Variants in CYTH1 observed in about 807,000 individuals in gnomAD.
CYTH1 encodes cytohesin-1.
Under a neutral mutation model 61.8 loss-of-function variants are expected in CYTH1, and 18 were observed. That is an observed-to-expected ratio of 0.29 (90% CI 0.20 to 0.43). The LOEUF is 0.43. CYTH1 is among the 20% of genes least tolerant of loss of function. The pLI is 1.00. For synonymous variants in CYTH1, 174 were observed against 184.3 expected, an observed-to-expected ratio of 0.94 and a Z score of 0.45; for missense variants, 336 against 510.5, an observed-to-expected ratio of 0.66 and a Z score of 3.29.
chr17:78,683,271 C>CA (rs2092782347), intron 11 of CYTH1, among the ~76,000 whole-genome samples: 1 of 152,166 alleles, frequency 6.6e-6, no homozygotes, highest in South Asian at 2.1e-4. Flanking sequence ...CTCCCTCTCT[C>CA]TCATCCAAGT....
intron 13 of CYTH1, among the ~76,000 whole-genome samples, chr17:78,678,923 C>T (rs150904181): frequency 6.6e-6 from 1 of 152,362 alleles, no homozygotes; most frequent in Non-Finnish European, 1.5e-5. Context: ...TGACCTGGCG[C>T]CAAATCCATC....
intron 1 of CYTH1, among the ~76,000 whole-genome samples, chr17:78,770,857 G>A (rs2093468557): frequency 6.6e-6 from 1 of 152,164 alleles, no homozygotes; most frequent in Admixed American, 6.6e-5. Context: ...GCCAAGTGCG[G>A]GAGCTCATAC....
chr17:78,726,188 C>T (rs1324872285), intron 1 of CYTH1, among the ~76,000 whole-genome samples: 1 of 151,988 alleles, frequency 6.6e-6, no homozygotes, highest in Non-Finnish European at 1.5e-5. Context: ...GGACTACAGG[C>T]ACCCGCTACC....
At chr17:78,768,080 C>T (rs1406957432) in intron 1 of CYTH1, among the ~76,000 whole-genome samples, 1 of 152,166 alleles carries the variant, frequency 6.6e-6, no homozygotes, top group African/African-American at 2.4e-5. Context: ...TCAAGACTGG[C>T]TCGGAATCAT....
intron 3 of CYTH1, among the ~76,000 whole-genome samples, chr17:78,705,229 A>G (rs899078338): frequency 1.3e-5 from 2 of 151,876 alleles, no homozygotes; most frequent in African/African-American, 4.8e-5. Flanking sequence ...CAGAACGCAC[A>G]CTCCCAGATA....
intron 1 of CYTH1, among the ~76,000 whole-genome samples, chr17:78,773,227 T>G (rs1462983766): frequency 6.6e-6 from 1 of 152,046 alleles, no homozygotes; most frequent in African/African-American, 2.4e-5. Flanking sequence ...CCTAGTACTT[T>G]AGGAAGCCAA....
rs1379360035 is a variant in CYTH1 at position 78,726,192 on chromosome 17, C to T, written c.23-16460G>A. On this transcript the variant is annotated intron_variant, in intron 1 of 13. Transcript: ENST00000446868. ...CCTAGCAGCTGGGACTACAGGCACC[C>T]GCTACCACGCCTGGCTAATTTTTTT... 3.6e-4 allele frequency among the ~76,000 whole-genome samples: 54 copies of T among 151,936 alleles called. 1 individual carries two copies. The highest frequency in any genetic ancestry group is 3.5e-3 in the Admixed American group (53 of 15,252).
chr17:78,690,393 CAAAAAAAAAAAAAAAAAAA>C (rs60663636), intron 11 of CYTH1, among the ~76,000 whole-genome samples: 726 of 28,288 alleles, frequency 0.026, 14 homozygotes, highest in African/African-American at 0.098. Flanking sequence ...GACTCCATCT[CAAAAAAAAAAAAAAAAAAA>C]AAAAAAAAAA....
intron 1 of CYTH1, among the ~76,000 whole-genome samples, chr17:78,780,161 G>A (rs1272926715): frequency 6.6e-6 from 1 of 152,242 alleles, no homozygotes; most frequent in Non-Finnish European, 1.5e-5. Flanking sequence ...GCAGTGGGCA[G>A]GAGTGAAATC....
In CYTH1 at chr17:78,760,471, GTATATATATGTA is replaced by G. The variant is rs1567879441; in HGVS notation, c.22+21719_22+21730del. Among the ~76,000 whole-genome samples, 66 of 26,802 alleles carry G rather than the reference GTATATATATGTA, an allele frequency of 2.5e-3. 3 individuals carry two copies. The highest frequency in any genetic ancestry group is 9.0e-3 in the African/African-American group (61 of 6,798). 17.6% of individuals were successfully genotyped at this position (26,802 alleles called of 152,430 possible). A position where few individuals can be genotyped will look rare whatever the true frequency, so the allele number is the denominator to read the frequency against. On this transcript the variant is annotated intron_variant, in intron 1 of 13. Coordinates refer to ENST00000446868, the MANE Select transcript of CYTH1 (RefSeq NM_004762.6). Reference sequence around the variant, plus strand: ...TATATATATACATACATATATATATGTATATATATGTATGTATATATATATACATATATATGT... The same window carrying G: ...TATATATATACATACATATATATATGTGTATATATATATACATATATATGT...
chr17:78,702,798 T>C (rs2093026102), intron 3 of CYTH1, among the ~76,000 whole-genome samples, 194 bp from the exon 4 acceptor site: 1 of 152,186 alleles, frequency 6.6e-6, no homozygotes. Flanking sequence ...CAAGCTCATT[T>C]GCTCCTTCTA....
intron 3 of CYTH1, 83 bp from the exon 4 acceptor site, chr17:78,702,687 C>T (rs2093024704): frequency 7.0e-7 from 1 of 1,430,756 alleles, no homozygotes; most frequent in Admixed American, 1.7e-5. Flanking sequence ...CACTGATTTA[C>T]ACAGGTTTTT....
intron 1 of CYTH1, among the ~76,000 whole-genome samples, chr17:78,721,009 C>G (rs2093223818): frequency 6.6e-6 from 1 of 152,226 alleles, no homozygotes; most frequent in Non-Finnish European, 1.5e-5. Flanking sequence ...TATCTCACCA[C>G]CAATTTGCAG....
At chr17:78,688,795 T>C (rs913498757) in intron 11 of CYTH1, among the ~76,000 whole-genome samples, 4 of 152,214 alleles carry the variant, frequency 2.6e-5, no homozygotes, top group South Asian at 4.1e-4. Context: ...CATGGCTTTG[T>C]TGGGTAGTTG....
rs147021825 is a variant in CYTH1, at chr17:78,680,051, G to A, written c.1118+139C>T. 5,510 of 1,210,622 alleles carry A rather than the reference G, an allele frequency of 4.6e-3. 18 individuals are homozygous for A. The highest frequency in any genetic ancestry group is 5.7e-3 in the Non-Finnish European group (5,019 of 888,054). The allele number at this position is 1,210,622 out of a possible 1,614,324, so 75.0% of individuals were successfully genotyped here. A position where few individuals can be genotyped will look rare whatever the true frequency, so the allele number is the denominator to read the frequency against. On this transcript the variant is annotated intron_variant, in intron 13 of 13. Coordinates refer to ENST00000446868, the MANE Select transcript of CYTH1 (RefSeq NM_004762.6). Reference sequence around the variant, plus strand: ...AAGGCCTCCTGGGAAGCCGTCAGCTGGGAACCAGGACGAAGCTTCCCTAAG... The same window carrying A: ...AAGGCCTCCTGGGAAGCCGTCAGCTAGGAACCAGGACGAAGCTTCCCTAAG...
intron 1 of CYTH1, among the ~76,000 whole-genome samples, chr17:78,774,957 G>A (rs2093485199): frequency 1.3e-5 from 2 of 152,172 alleles, no homozygotes; most frequent in East Asian, 1.9e-4. Context: ...CAGGGCATTC[G>A]GCATGGGAAA....
At chr17:78,742,304 A>G (rs9903134) in intron 1 of CYTH1, among the ~76,000 whole-genome samples, 81,118 of 152,134 alleles carry the variant, frequency 0.53, 21,750 homozygotes, top group East Asian at 0.61. Flanking sequence ...GCTCATGCCT[A>G]TAATCCCAGG....
intron 1 of CYTH1, among the ~76,000 whole-genome samples, chr17:78,736,432 A>T (rs1023032848): frequency 2.0e-5 from 3 of 150,944 alleles, no homozygotes; most frequent in African/African-American, 7.3e-5. Context: ...CCTCTCTCTC[A>T]CTCTCTGACA....
At chr17:78,678,268 G>A (rs1168682924) in intron 13 of CYTH1, 1 of 152,280 alleles carries the variant, frequency 6.6e-6, no homozygotes, top group Non-Finnish European at 1.5e-5. Flanking sequence ...AGCCAAAACT[G>A]TTTTGAAAGA....
Sources: allele counts gnomAD v4.1 joint callset (sites outside exome capture counted in the v4.1 genomes callset), GRCh38; gene constraint gnomAD v4.1.1; transcripts MANE v1.5; gene names NCBI Gene and HGNC (gene_info 2026-07-23, HGNC 2026-07-21).